The following EXT2 variants were observed in gnomAD, a reference collection of about 807,000 sequenced individuals.
EXT2 encodes exostosin glycosyltransferase 2.
Under a neutral mutation model 81.6 loss-of-function variants are expected in EXT2, and 53 were observed. The ratio of observed to expected loss-of-function variants is 0.65; its 90% CI spans 0.52 to 0.82. EXT2 has a LOEUF of 0.82. EXT2 is among the 40% of genes least tolerant of loss of function. The pLI is 0.00. For synonymous variants in EXT2, 320 were observed against 340.0 expected (o/e 0.94, Z 0.65); for missense variants, 774 against 910.2 (o/e 0.85, Z 1.93).
chr11:44,237,168 T>A, intron 13 of EXT2, among the ~76,000 whole-genome samples: 1 of 152,104 alleles, frequency 6.6e-6, no homozygotes, highest in East Asian at 1.9e-4. Context: ...AGTAGCCTTT[T>A]AGAATGAAAT....
chr11:44,097,776 AT>A (rs60121196), intron 1 of EXT2, among the ~76,000 whole-genome samples: 32 of 74,588 alleles, frequency 4.3e-4, no homozygotes, highest in East Asian at 4.0e-3. Flanking sequence ...AAATAAATAA[AT>A]AAATAAATAA....
Position 44,099,091 on chromosome 11 carries a change from TC to T in EXT2, c.-31+3242del, listed in dbSNP as rs572465641. Among the ~76,000 whole-genome samples, 9 of 152,186 alleles carry T rather than the reference TC, an allele frequency of 5.9e-5. No individual in the cohort carries two copies. The South Asian group carries it at 1.9e-3, about 32-fold the overall frequency. On this transcript the variant is annotated intron_variant, in intron 1 of 13. Coordinates refer to ENST00000533608, the MANE Select transcript of EXT2 (RefSeq NM_207122.2). The stretch of plus-strand genomic sequence containing the variant: ...GTCATGGCTCACTGCAGCCTCAACC[TC>T]CCGGGTTCAAGAAACCCTCCCACCT...
chr11:44,155,638 T>C (rs1235277530), intron 7 of EXT2, among the ~76,000 whole-genome samples: 1 of 152,184 alleles, frequency 6.6e-6, no homozygotes, highest in Non-Finnish European at 1.5e-5. Flanking sequence ...CACTTCAACT[T>C]CACTCCTCCC....
At chr11:44,147,666 T>C (rs1954736838) in intron 7 of EXT2, among the ~76,000 whole-genome samples, 1 of 151,614 alleles carries the variant, frequency 6.6e-6, no homozygotes, top group South Asian at 2.1e-4. Context: ...GTTCACGCCA[T>C]TCTCCTGCCT....
chr11:44,236,485 T>C, intron 13 of EXT2, 110 bp downstream of exon 13: 1 of 966,428 alleles, frequency 1.0e-6, no homozygotes, highest in Non-Finnish European at 1.6e-6. Flanking sequence ...CTGGTAGCCA[T>C]AGTCACCTCC....
intron 7 of EXT2, among the ~76,000 whole-genome samples, chr11:44,160,799 A>G (rs552070601): frequency 1.4e-4 from 22 of 152,188 alleles, no homozygotes; most frequent in African/African-American, 5.1e-4. Flanking sequence ...TGTTTTAGTT[A>G]TTTACTTAAC....
At chr11:44,137,039 C>A (rs1272625014) in intron 7 of EXT2, among the ~76,000 whole-genome samples, 2 of 151,952 alleles carry the variant, frequency 1.3e-5, no homozygotes, top group Admixed American at 6.6e-5. Context: ...ATGTATATCC[C>A]TATTGTGAAG....
intron 7 of EXT2, among the ~76,000 whole-genome samples, chr11:44,166,454 C>A (rs1954995365): frequency 6.6e-6 from 1 of 152,206 alleles, no homozygotes; most frequent in East Asian, 1.9e-4. Flanking sequence ...AACTTCTGGA[C>A]AACTTGAGAA....
rs760218623 is a variant in EXT2, at chr11:44,124,981, A to G, written c.936A>G (p.Leu312=). 2.4e-5 allele frequency: 38 copies of G among 1,612,436 alleles called. No individual in the cohort carries two copies. The highest frequency in any genetic ancestry group is 3.1e-5 in the Non-Finnish European group (37 of 1,179,972). The part of the protein sequence containing the change: ...KHQVFDYPQV[L]QEATFCVVLR... Reference sequence around the variant, plus strand: ...AGGTCTTCGATTACCCACAGGTGCTACAGGTGAGTGTCATTCATTACCTCT... The same window carrying G: ...AGGTCTTCGATTACCCACAGGTGCTGCAGGTGAGTGTCATTCATTACCTCT... The change falls in exon 5 of 14, where the codon CTA becomes CTG. Residue 312 remains leucine (L), a synonymous_variant. Coordinates refer to ENST00000533608, the MANE Select transcript of EXT2 (RefSeq NM_207122.2).
chr11:44,177,870 G>C (rs747156274), intron 8 of EXT2, among the ~76,000 whole-genome samples: 1 of 152,102 alleles, frequency 6.6e-6, no homozygotes, highest in African/African-American at 2.4e-5. Flanking sequence ...TGAGAAAAAT[G>C]GGGAAGCATC....
At chr11:44,147,775 CTTTTTT>C (rs66961451) in intron 7 of EXT2, among the ~76,000 whole-genome samples, 3 of 103,372 alleles carry the variant, frequency 2.9e-5, no homozygotes, top group Admixed American at 1.2e-4. Context: ...TCCACATTGT[CTTTTTT>C]TTTTTTTTTG....
At chr11:44,105,582 G>C (rs1423982130) in intron 1 of EXT2, among the ~76,000 whole-genome samples, 2 of 152,212 alleles carry the variant, frequency 1.3e-5, no homozygotes, top group Non-Finnish European at 2.9e-5. Context: ...ATGAGCCACT[G>C]TGCCCAGCTG....
intron 7 of EXT2, among the ~76,000 whole-genome samples, chr11:44,159,434 A>G (rs1334649306): frequency 2.0e-5 from 3 of 152,014 alleles, no homozygotes; most frequent in Admixed American, 6.6e-5. Flanking sequence ...ATCCAGTTTA[A>G]TAATTAGCCC....
intron 10 of EXT2, among the ~76,000 whole-genome samples, chr11:44,221,170 A>G (rs1399343050): frequency 1.3e-5 from 2 of 152,146 alleles, no homozygotes; most frequent in African/African-American, 4.8e-5. Context: ...CTCCTCCTCG[A>G]AGACCCCCAT....
chr11:44,153,097 T>C (rs1954814215), intron 7 of EXT2, among the ~76,000 whole-genome samples: 1 of 152,244 alleles, frequency 6.6e-6, no homozygotes, highest in African/African-American at 2.4e-5. Context: ...GAATCTATAA[T>C]TCAAGTTGGG....
chr11:44,225,679 T>G (rs1027995452), intron 10 of EXT2, among the ~76,000 whole-genome samples: 3 of 152,182 alleles, frequency 2.0e-5, no homozygotes, highest in Non-Finnish European at 2.9e-5. Flanking sequence ...CTTTTTAGAA[T>G]TAGCATAGTA....
chr11:44,141,734 G>A (rs1041336123), intron 7 of EXT2, among the ~76,000 whole-genome samples: 8 of 152,200 alleles, frequency 5.3e-5, no homozygotes, highest in Non-Finnish European at 1.0e-4. Flanking sequence ...TTAATCCCTT[G>A]TCATGAATCC....
At chr11:44,096,169 C>T (rs2134932188) in intron 1 of EXT2, 7 of 1,324,750 alleles carry the variant, frequency 5.3e-6, no homozygotes, top group Non-Finnish European at 7.3e-6. Flanking sequence ...CCTCCTGCGA[C>T]CCGCCCTCCG....
chr11:44,146,061 G>A (rs1954712353), intron 7 of EXT2, among the ~76,000 whole-genome samples: 1 of 152,212 alleles, frequency 6.6e-6, no homozygotes, highest in Admixed American at 6.5e-5. Flanking sequence ...TGGCAGGGAG[G>A]GTTTCTTCTG....
Sources: gnomAD v4.1 joint callset for allele counts (sites outside exome capture counted in the v4.1 genomes callset) on GRCh38, gnomAD v4.1.1 for gene constraint, MANE v1.5 for transcripts, NCBI Gene and HGNC (gene_info 2026-07-23, HGNC 2026-07-21) for gene names.